The following ANK3 variants were observed in gnomAD, a reference collection of about 807,000 sequenced individuals.
ANK3 encodes ankyrin-3.
Under a neutral mutation model 370.9 loss-of-function variants are expected in ANK3, and 57 were observed. The ratio of observed to expected loss-of-function variants is 0.15; its 90% CI spans 0.12 to 0.19. The LOEUF is 0.19. ANK3 is among the 10% of genes least tolerant of loss of function. The probability of loss-of-function intolerance (pLI) is 1.00; values close to 1 mark genes in which losing one functional copy is unlikely to be tolerated. For missense variants in ANK3, 4,439 were observed against 5,302.1 expected, an observed-to-expected ratio of 0.84 and a Z score of 5.06; for synonymous variants, 1,929 against 1,946.3, an observed-to-expected ratio of 0.99 and a Z score of 0.23.
chr10:60,620,707 T>C (rs1205654551), intron 1 of ANK3, among the ~76,000 whole-genome samples: 1 of 152,236 alleles, frequency 6.6e-6, no homozygotes, highest in Non-Finnish European at 1.5e-5. Context: ...AGTTGTGTTA[T>C]TGCTTTTTGT....
intron 16 of ANK3, among the ~76,000 whole-genome samples, chr10:60,187,535 T>A (rs987050696): frequency 6.6e-6 from 1 of 152,182 alleles, no homozygotes; most frequent in African/African-American, 2.4e-5. Flanking sequence ...TTACAGGAAA[T>A]TATGTTACAA....
intron 2 of ANK3, among the ~76,000 whole-genome samples, chr10:60,575,722 A>T (rs899587745): frequency 6.6e-6 from 1 of 152,172 alleles, no homozygotes; most frequent in African/African-American, 2.4e-5. Context: ...TCATCACAAA[A>T]TCAATAGTAA....
At chr10:60,399,196 C>G (rs1270981827) in intron 2 of ANK3, among the ~76,000 whole-genome samples, 1 of 151,968 alleles carries the variant, frequency 6.6e-6, no homozygotes, top group Non-Finnish European at 1.5e-5. Context: ...AAAAACTAAA[C>G]TTGGAGGTTT....
Position 60,069,134 on chromosome 10 carries a change from T to C in ANK3, c.11747A>G (p.Lys3916Arg). 6.2e-7 allele frequency: 1 copy of C among 1,614,206 alleles called. No homozygotes were observed. The highest frequency in any genetic ancestry group is 8.5e-7 in the Non-Finnish European group (1 of 1,180,042). ...CVDVKSRIPV[K>R]NTHRDNIIAV... Reference sequence around the variant, plus strand: ...AATTATGTTATCCCTGTGTGTGTTTTTCACTGGAATTCTGGACTTTACATC... The same window carrying C: ...AATTATGTTATCCCTGTGTGTGTTTCTCACTGGAATTCTGGACTTTACATC... The change falls in exon 37 of 44, where the codon AAA (lysine) becomes AGA (arginine). Residue 3916 changes from lysine to arginine, a missense_variant. By Grantham distance (26) the Lys-to-Arg change is conservative. Transcript: ENST00000280772.
intron 2 of ANK3, among the ~76,000 whole-genome samples, chr10:60,597,218 G>A (rs2133300235): frequency 6.6e-6 from 1 of 152,126 alleles, no homozygotes; most frequent in East Asian, 1.9e-4. Flanking sequence ...TTTAGCCAGA[G>A]GAATCCCTAT....
At chr10:60,425,921 G>T (rs925641812) in intron 2 of ANK3, among the ~76,000 whole-genome samples, 6 of 152,058 alleles carry the variant, frequency 3.9e-5, no homozygotes, top group Non-Finnish European at 8.8e-5. Flanking sequence ...AAGCCCTTTA[G>T]GTTCTCTAGG....
chr10:60,267,726 T>C (rs1235292266), intron 5 of ANK3, among the ~76,000 whole-genome samples: 1 of 152,158 alleles, frequency 6.6e-6, no homozygotes, highest in East Asian at 1.9e-4. Context: ...TATGTTTGCT[T>C]CTAAAGGAGA....
intron 12 of ANK3, among the ~76,000 whole-genome samples, chr10:60,201,612 C>T (rs1379768499): frequency 6.6e-6 from 1 of 151,972 alleles, no homozygotes; most frequent in Non-Finnish European, 1.5e-5. Flanking sequence ...AAAAGAATAC[C>T]ATCGAGTAAT....
At chr10:60,515,052 C>G (rs1567110021) in intron 2 of ANK3, among the ~76,000 whole-genome samples, 1 of 152,030 alleles carries the variant, frequency 6.6e-6, no homozygotes. Context: ...ATATGTTGCA[C>G]TTAAAGCTAA....
At chr10:60,100,075 T>C (rs1199088379) in intron 28 of ANK3, among the ~76,000 whole-genome samples, 2 of 152,148 alleles carry the variant, frequency 1.3e-5, no homozygotes, top group Non-Finnish European at 2.9e-5. Context: ...GCTTATTTGC[T>C]TTGTCCTAAT....
At chr10:60,555,122 T>C (rs1393558241) in intron 2 of ANK3, among the ~76,000 whole-genome samples, 1 of 152,126 alleles carries the variant, frequency 6.6e-6, no homozygotes, top group Non-Finnish European at 1.5e-5. Flanking sequence ...GCAAGAAATT[T>C]TAAGAAAATG....
intron 1 of ANK3, among the ~76,000 whole-genome samples, chr10:60,360,971 C>CCA (rs2058510999): frequency 6.6e-6 from 1 of 152,016 alleles, no homozygotes; most frequent in Non-Finnish European, 1.5e-5. Flanking sequence ...ATGAAAAATG[C>CCA]CACACCTGCT....
At chr10:60,478,165 C>T (rs17236977) in intron 2 of ANK3, among the ~76,000 whole-genome samples, 1 of 151,938 alleles carries the variant, frequency 6.6e-6, no homozygotes, top group African/African-American at 2.4e-5. Flanking sequence ...CAGAGTCCAA[C>T]CATGAAGCAG....
At chr10:60,545,606 A>C (rs376115115) in intron 2 of ANK3, among the ~76,000 whole-genome samples, 7 of 152,260 alleles carry the variant, frequency 4.6e-5, no homozygotes, top group East Asian at 1.9e-4. Context: ...TGAATGTGTA[A>C]GATTTTCAAG....
At chr10:60,249,987 A>G (rs2097625131) in intron 7 of ANK3, among the ~76,000 whole-genome samples, 1 of 152,204 alleles carries the variant, frequency 6.6e-6, no homozygotes, top group African/African-American at 2.4e-5. Flanking sequence ...ATAAAATTGT[A>G]TATTTTTTGT....
intron 2 of ANK3, among the ~76,000 whole-genome samples, chr10:60,454,877 T>G (rs967491910): frequency 6.6e-6 from 1 of 152,198 alleles, no homozygotes; most frequent in African/African-American, 2.4e-5. Flanking sequence ...AGTTCTCAAA[T>G]AGTTTTTTAT....
At chr10:60,607,521 T>C (rs1451952726) in intron 2 of ANK3, among the ~76,000 whole-genome samples, 1 of 152,172 alleles carries the variant, frequency 6.6e-6, no homozygotes, top group Non-Finnish European at 1.5e-5. Flanking sequence ...AGCAACATAT[T>C]TACATGCCAG....
intron 25 of ANK3, among the ~76,000 whole-genome samples, chr10:60,115,205 T>C (rs1227018222): frequency 1.3e-5 from 2 of 152,202 alleles, no homozygotes; most frequent in African/African-American, 4.8e-5. Flanking sequence ...ACAACGATTT[T>C]AAATAAGGAT....
chr10:60,711,638 G>A (rs1176682743), intron 1 of ANK3, among the ~76,000 whole-genome samples: 1 of 151,888 alleles, frequency 6.6e-6, no homozygotes, highest in African/African-American at 2.4e-5. Context: ...AAGAAAGAGA[G>A]AAAAGAACAA....
Sources: gnomAD v4.1 joint callset for allele counts (sites outside exome capture counted in the v4.1 genomes callset) on GRCh38, gnomAD v4.1.1 for gene constraint, MANE v1.5 for transcripts, NCBI Gene and HGNC (gene_info 2026-07-23, HGNC 2026-07-21) for gene names.